Variants in TCF7L1 observed in about 807,000 individuals in gnomAD.
The protein encoded by TCF7L1 is transcription factor 7 like 1.
TCF7L1 carries 18 observed loss-of-function variants against 63.7 expected under a neutral mutation model. The observed-to-expected ratio is 0.28, with a 90% CI of 0.20 to 0.42. The LOEUF is 0.42. Among genes scored for constraint, TCF7L1 ranks in the 10% least tolerant of loss-of-function variants. The pLI is 1.00. For missense variants in TCF7L1, 654 were observed against 779.3 expected (o/e 0.84, Z 1.91); for synonymous variants, 355 against 340.9 (o/e 1.04, Z -0.46).
chr2:85,212,466 A>G (rs930298980), intron 3 of TCF7L1, among the ~76,000 whole-genome samples: 1 of 152,200 alleles, frequency 6.6e-6, no homozygotes, highest in East Asian at 1.9e-4. Context: ...CTCTATGCCC[A>G]ACCCTGGGAA....
intron 3 of TCF7L1, among the ~76,000 whole-genome samples, chr2:85,253,515 A>T (rs920489390): frequency 6.6e-6 from 1 of 152,194 alleles, no homozygotes. Context: ...TGAACGTTGC[A>T]GTAGGTAAGT....
intron 3 of TCF7L1, among the ~76,000 whole-genome samples, chr2:85,276,984 C>G (rs1681287558): frequency 6.6e-6 from 1 of 152,040 alleles, no homozygotes; most frequent in African/African-American, 2.4e-5. Flanking sequence ...GTGAAGGATG[C>G]AGTAAAGGCC....
chr2:85,143,197 A>G (rs1291402359), intron 3 of TCF7L1, among the ~76,000 whole-genome samples: 1 of 152,252 alleles, frequency 6.6e-6, no homozygotes, highest in Non-Finnish European at 1.5e-5. Context: ...CAAGAGGAGG[A>G]ACAAGGCCCC....
intron 7 of TCF7L1, 125 bp from the exon 8 acceptor site, chr2:85,305,135 G>A: frequency 7.6e-7 from 1 of 1,313,508 alleles, no homozygotes; most frequent in Non-Finnish European, 1.1e-6. Flanking sequence ...TAGCCTTCTA[G>A]TCCTGAGACT....
intron 3 of TCF7L1, among the ~76,000 whole-genome samples, chr2:85,215,842 G>A (rs1679691157): frequency 6.6e-6 from 1 of 152,022 alleles, no homozygotes; most frequent in African/African-American, 2.4e-5. Flanking sequence ...GCTCAGCAGT[G>A]TTTTTAAGGC....
At chr2:85,277,717 A>T (rs1359270388) in intron 3 of TCF7L1, among the ~76,000 whole-genome samples, 1 of 152,120 alleles carries the variant, frequency 6.6e-6, no homozygotes, top group Non-Finnish European at 1.5e-5. Flanking sequence ...GAGTTTTCTC[A>T]CCTGTGCAGT....
chr2:85,286,848 T>C (rs1199433618), intron 4 of TCF7L1, among the ~76,000 whole-genome samples: 1 of 152,082 alleles, frequency 6.6e-6, no homozygotes, highest in African/African-American at 2.4e-5. Context: ...TCCCATTTAC[T>C]CAGGAGGCTG....
chr2:85,161,639 A>T (rs1678289372), intron 3 of TCF7L1, among the ~76,000 whole-genome samples: 1 of 152,222 alleles, frequency 6.6e-6, no homozygotes, highest in Non-Finnish European at 1.5e-5. Flanking sequence ...AAGCTCAAGG[A>T]GCACAGAAGT....
At chr2:85,149,341 G>A (rs1402463623) in intron 3 of TCF7L1, among the ~76,000 whole-genome samples, 1 of 148,248 alleles carries the variant, frequency 6.7e-6, no homozygotes, top group Non-Finnish European at 1.5e-5. Flanking sequence ...GTGTGTATAT[G>A]TGTATACACA....
At chr2:85,305,443 G>A (rs1682084629) in intron 8 of TCF7L1, 40 bp downstream of exon 8, 1 of 1,575,510 alleles carries the variant, frequency 6.3e-7, no homozygotes, top group African/African-American at 1.3e-5. Flanking sequence ...GGAGGGTGCA[G>A]GCTGTGGGGA....
At chr2:85,267,428 T>C (rs1681003846) in intron 3 of TCF7L1, among the ~76,000 whole-genome samples, 4 of 149,440 alleles carry the variant, frequency 2.7e-5, no homozygotes, top group Non-Finnish European at 5.9e-5. Flanking sequence ...GGCAGGTGGA[T>C]CACTTGAGGT....
chr2:85,291,205 A>C (rs1255315077), intron 4 of TCF7L1, among the ~76,000 whole-genome samples: 4 of 152,098 alleles, frequency 2.6e-5, no homozygotes, highest in Non-Finnish European at 5.9e-5. Flanking sequence ...ATTTTTTTGC[A>C]ATGAGGCTAG....
At chr2:85,307,384 A>G (rs185827361) in intron 10 of TCF7L1, among the ~76,000 whole-genome samples, 2 of 152,296 alleles carry the variant, frequency 1.3e-5, no homozygotes, top group African/African-American at 4.8e-5. Flanking sequence ...CAGAGTCTGA[A>G]GGGCAGTGGA....
chr2:85,300,339 G>A (rs948447564), intron 4 of TCF7L1, among the ~76,000 whole-genome samples: 35 of 152,306 alleles, frequency 2.3e-4, no homozygotes, highest in African/African-American at 7.9e-4. Context: ...TGGCTTCCTG[G>A]AAATCTGATC....
intron 3 of TCF7L1, among the ~76,000 whole-genome samples, chr2:85,163,601 A>G (rs933104824): frequency 6.6e-6 from 1 of 152,172 alleles, no homozygotes; most frequent in Non-Finnish European, 1.5e-5. Context: ...TTTTTGTATT[A>G]ATTTGTTAGG....
chr2:85,223,399 C>T (rs1239339588), intron 3 of TCF7L1, among the ~76,000 whole-genome samples: 1 of 152,150 alleles, frequency 6.6e-6, no homozygotes, highest in Non-Finnish European at 1.5e-5. Flanking sequence ...TTTTATTCAC[C>T]TGGCAGAATC....
intron 3 of TCF7L1, among the ~76,000 whole-genome samples, chr2:85,139,360 TC>T (rs1677666253): frequency 6.6e-6 from 1 of 152,158 alleles, no homozygotes; most frequent in Non-Finnish European, 1.5e-5. Context: ...TCAACTGAAG[TC>T]TATTGGATAC....
At chr2:85,278,096 C>A (rs1357493915) in intron 3 of TCF7L1, among the ~76,000 whole-genome samples, 2 of 152,190 alleles carry the variant, frequency 1.3e-5, no homozygotes, top group Non-Finnish European at 2.9e-5. Flanking sequence ...TAATCTGCTC[C>A]ATGGCTCCAA....
rs768368337 is a variant in TCF7L1, at chr2:85,309,086, C to T, written c.1391C>T (p.Pro464Leu). The T allele has an allele frequency of 1.2e-5, 20 of 1,613,712 alleles. No individual in the cohort carries two copies. Among genetic ancestry groups the T allele is most frequent in the Non-Finnish European group, 1.5e-5 (18 of 1,179,910 alleles). ...GTTCAGTACCTGCCCCCCGAGAAGC[C>T]CTGTGACAGCCCTGCCTCCTCCCAC... Reference protein sequence around the residue: ...PCVQYLPPEKPCDSPASSHGS... With the variant: ...PCVQYLPPEKLCDSPASSHGS... The change falls in exon 12 of 12, where the codon CCC becomes CTC. Residue 464 changes from proline to leucine, a missense_variant. Coordinates refer to ENST00000282111, the MANE Select transcript of TCF7L1 (RefSeq NM_031283.3).
Sources: allele counts gnomAD v4.1 joint callset (sites outside exome capture counted in the v4.1 genomes callset), GRCh38; gene constraint gnomAD v4.1.1; transcripts MANE v1.5; gene names NCBI Gene and HGNC (gene_info 2026-07-23, HGNC 2026-07-21).